The following SOX5 variants were observed in gnomAD, a reference collection of about 807,000 sequenced individuals.
SOX5 encodes transcription factor SOX-5.
In SOX5, 9 loss-of-function variants were observed where a neutral mutation model predicts 92.0. The ratio of observed to expected loss-of-function variants is 0.10; its 90% CI spans 0.06 to 0.17. The LOEUF is 0.17. SOX5 is among the 10% of genes least tolerant of loss of function. The pLI is 1.00. For missense variants in SOX5, 642 were observed against 944.5 expected (o/e 0.68, Z 4.20); for synonymous variants, 344 against 336.3 (o/e 1.02, Z -0.25).
intron 1 of SOX5, among the ~76,000 whole-genome samples, chr12:24,526,244 C>G (rs976478488): frequency 6.6e-6 from 1 of 151,614 alleles, no homozygotes; most frequent in Non-Finnish European, 1.5e-5. Context: ...AGAAATGGCA[C>G]TAAAAGAGTG....
At chr12:24,087,079 A>C (rs1414790164) in intron 4 of SOX5, among the ~76,000 whole-genome samples, 1 of 152,078 alleles carries the variant, frequency 6.6e-6, no homozygotes, top group African/African-American at 2.4e-5. Context: ...CTAAGGGCTC[A>C]TGCATATGTT....
In SOX5 at chr12:23,532,408, C is replaced by T. The variant is rs370517384; in HGVS notation, c.*1811G>A. The T allele has an allele frequency of 1.1e-4, 17 of 152,184 alleles. No individual in the cohort carries two copies. Among genetic ancestry groups the T allele is most frequent in the Admixed American group, 8.5e-4 (13 of 15,284 alleles). 9.4% of individuals were successfully genotyped at this position (152,184 alleles called of 1,614,324 possible). ...GTGAAAACTATAGCACATCAAGCTA[C>T]TAGTTGCAGTATTTACTATCTATCT... On this transcript the variant is annotated 3_prime_UTR_variant, in exon 15 of 15. Transcript: ENST00000451604.
At position 23,756,981 on chromosome 12, in the gene SOX5, T is replaced by C. The variant is rs147451072; in HGVS notation, c.482-1257A>G. 4.0e-3 allele frequency among the ~76,000 whole-genome samples: 603 copies of C among 151,884 alleles called. 2 individuals carry two copies. The highest frequency in any genetic ancestry group is 0.014 in the African/African-American group (568 of 41,484). The stretch of plus-strand genomic sequence containing the variant: ...TCAGCTAGCAGAGTCAAAAAGCCTG[T>C]GTGGAGTTTTCAACAAAGCAGAGGT... On this transcript the variant is annotated intron_variant, in intron 3 of 14. Coordinates refer to ENST00000451604, the MANE Select transcript of SOX5 (RefSeq NM_006940.6).
At chr12:23,587,878 G>T (rs937624597) in intron 9 of SOX5, among the ~76,000 whole-genome samples, 1 of 151,976 alleles carries the variant, frequency 6.6e-6, no homozygotes, top group East Asian at 1.9e-4. Flanking sequence ...TTACTGGCTC[G>T]GCCAAAGGCT....
intron 3 of SOX5, among the ~76,000 whole-genome samples, chr12:23,801,612 A>G (rs2095660263): frequency 6.6e-6 from 1 of 152,078 alleles, no homozygotes; most frequent in African/African-American, 2.4e-5. Context: ...ATATATAAAA[A>G]TGTTCTTTTT....
intron 1 of SOX5, among the ~76,000 whole-genome samples, chr12:24,411,142 T>G (rs1469924456): frequency 6.6e-6 from 1 of 152,306 alleles, no homozygotes; most frequent in Non-Finnish European, 1.5e-5. Flanking sequence ...GACTTTCGTA[T>G]GTTTATATCT....
At chr12:24,477,130 CTTTTT>C (rs11324014) in intron 1 of SOX5, among the ~76,000 whole-genome samples, 2 of 142,112 alleles carry the variant, frequency 1.4e-5, no homozygotes, top group Admixed American at 7.0e-5. Flanking sequence ...TGAGATTTAA[CTTTTT>C]TTTTTTTTTT....
intron 3 of SOX5, among the ~76,000 whole-genome samples, chr12:24,270,595 G>A (rs1342672643): frequency 6.6e-6 from 1 of 152,160 alleles, no homozygotes; most frequent in Non-Finnish European, 1.5e-5. Context: ...GCCCATGGAA[G>A]CACCACACAG....
intron 1 of SOX5, among the ~76,000 whole-genome samples, chr12:24,547,829 G>C (rs945812997): frequency 1.1e-4 from 17 of 152,136 alleles, no homozygotes; most frequent in African/African-American, 4.1e-4. Context: ...TCAACTTGAA[G>C]TTCTCACAGA....
intron 1 of SOX5, among the ~76,000 whole-genome samples, chr12:23,942,421 A>T (rs1474772582): frequency 1.3e-5 from 2 of 151,928 alleles, no homozygotes; most frequent in African/African-American, 4.8e-5. Context: ...CAACATTCTG[A>T]AATAAATTTT....
At chr12:24,213,092 T>G (rs562627118) in intron 4 of SOX5, among the ~76,000 whole-genome samples, 1 of 152,282 alleles carries the variant, frequency 6.6e-6, no homozygotes, top group South Asian at 2.1e-4. Context: ...AAAATATAAA[T>G]TCAGGCATCT....
At chr12:24,181,127 A>G (rs990337341) in intron 4 of SOX5, among the ~76,000 whole-genome samples, 5 of 152,210 alleles carry the variant, frequency 3.3e-5, no homozygotes, top group African/African-American at 1.2e-4. Flanking sequence ...ATTGCATCTT[A>G]CTGAGGAATG....
At chr12:24,476,038 A>C (rs1945345520) in intron 1 of SOX5, among the ~76,000 whole-genome samples, 1 of 151,930 alleles carries the variant, frequency 6.6e-6, no homozygotes, top group Non-Finnish European at 1.5e-5. Flanking sequence ...TTTTACAATC[A>C]ACTCCTTGGA....
chr12:24,067,242 G>A (rs936803830), intron 4 of SOX5, among the ~76,000 whole-genome samples: 1 of 152,188 alleles, frequency 6.6e-6, no homozygotes, highest in Non-Finnish European at 1.5e-5. Flanking sequence ...AAAATAAAGA[G>A]CTGGGTATGA....
intron 3 of SOX5, among the ~76,000 whole-genome samples, chr12:24,272,239 A>T (rs1178335082): frequency 1.3e-5 from 2 of 152,322 alleles, no homozygotes; most frequent in Non-Finnish European, 1.5e-5. Flanking sequence ...AATGATGCTG[A>T]TATATAGAAA....
chr12:24,442,096 G>T (rs568953949), intron 1 of SOX5, among the ~76,000 whole-genome samples: 2 of 152,134 alleles, frequency 1.3e-5, no homozygotes, highest in Non-Finnish European at 2.9e-5. Flanking sequence ...AAGAGAGAAC[G>T]GGTAAATACT....
At chr12:24,017,870 C>A (rs1159958792) in intron 4 of SOX5, among the ~76,000 whole-genome samples, 1 of 152,144 alleles carries the variant, frequency 6.6e-6, no homozygotes, top group Non-Finnish European at 1.5e-5. Flanking sequence ...TCACTTTCTG[C>A]AACCCTCCTT....
chr12:24,016,728 TGCA>T, intron 4 of SOX5, among the ~76,000 whole-genome samples: 1 of 152,194 alleles, frequency 6.6e-6, no homozygotes, highest in South Asian at 2.1e-4. Context: ...TATATTGACT[TGCA>T]TAGGACTACC....
chr12:23,856,871 C>G (rs2096697462), intron 2 of SOX5, among the ~76,000 whole-genome samples: 1 of 152,084 alleles, frequency 6.6e-6, no homozygotes, highest in Admixed American at 6.6e-5. Context: ...ACTAATCACA[C>G]TCTTTTAGGA....
Sources: gnomAD v4.1 joint callset for allele counts (sites outside exome capture counted in the v4.1 genomes callset) on GRCh38, gnomAD v4.1.1 for gene constraint, MANE v1.5 for transcripts, NCBI Gene and HGNC (gene_info 2026-07-23, HGNC 2026-07-21) for gene names.